CD109: variants seen among roughly 807,000 people sequenced by gnomAD.
CD109 encodes CD109 antigen.
CD109 carries 149 observed loss-of-function variants against 165.8 expected under a neutral mutation model. The observed-to-expected ratio is 0.90, with a 90% CI of 0.79 to 1.03. CD109 has a LOEUF of 1.03. Ranked by LOEUF, CD109 falls within the 50% of genes least tolerant of loss-of-function variation. CD109 has a pLI of 0.00. For missense variants in CD109, 1,712 were observed against 1,677.8 expected (o/e 1.02, Z -0.36); for synonymous variants, 585 against 592.1 (o/e 0.99, Z 0.18).
At chr6:73,753,221 G>A (rs909796516) in intron 5 of CD109, among the ~76,000 whole-genome samples, 3 of 152,132 alleles carry the variant, frequency 2.0e-5, no homozygotes, top group East Asian at 3.8e-4. Context: ...GGCCTGCAAA[G>A]CCTAAAATAT....
In CD109 at chr6:73,709,799, A is replaced by G. The variant is rs1247765530; in HGVS notation, c.247+12227A>G. ...AGGCTGGTTCAACATATGAAAATCA[A>G]TAAACGTAATCCAGCATATAAACAG... On this transcript the variant is annotated intron_variant, in intron 2 of 32. Coordinates refer to ENST00000287097, the MANE Select transcript of CD109 (RefSeq NM_133493.5). Among the ~76,000 whole-genome samples the G allele has an allele frequency of 2.0e-5, 3 of 152,342 alleles. No individual in the cohort carries two copies. In the East Asian group the frequency reaches 5.8e-4, roughly 29 times the overall value.
upstream of CD109, chr6:73,694,005 T>G (rs1187950286): frequency 6.6e-6 from 1 of 151,694 alleles, no homozygotes; most frequent in African/African-American, 2.4e-5. Context: ...CTTGCCTCAG[T>G]CTCCTGAGTA....
At position 73,750,980 on chromosome 6, in the gene CD109, A is replaced by G. The variant is rs561209606; in HGVS notation, c.634-5663A>G. Reference sequence around the variant, plus strand: ...ATACACAGTCTACATTCAGTAATTAATATGTCCAGTCTAATAAAATAAAAT... The same window carrying G: ...ATACACAGTCTACATTCAGTAATTAGTATGTCCAGTCTAATAAAATAAAAT... On this transcript the variant is annotated intron_variant, in intron 5 of 32. Coordinates refer to ENST00000287097, the MANE Select transcript of CD109 (RefSeq NM_133493.5). Among the ~76,000 whole-genome samples, 13 of 152,246 alleles carry G rather than the reference A, an allele frequency of 8.5e-5. 1 individual carries two copies. In the South Asian group the frequency reaches 2.7e-3, roughly 32 times the overall value.
At position 73,825,982 on chromosome 6, in the gene CD109, A is replaced by C. The variant is rs902351756; in HGVS notation, c.*2349A>C. The C allele has an allele frequency of 6.6e-6, 1 of 152,188 alleles. No individual in the cohort carries two copies. Among genetic ancestry groups the C allele is most frequent in the East Asian group, 1.9e-4 (1 of 5,194 alleles). 9.4% of individuals were successfully genotyped at this position (152,188 alleles called of 1,614,324 possible). ...GACAGAGTGAGATTCTGTCTCAAAAAACAAAAAACAAAAAAGTCACCTTGT... is the reference window on the plus strand; with the variant it reads ...GACAGAGTGAGATTCTGTCTCAAAACACAAAAAACAAAAAAGTCACCTTGT... On this transcript the variant is annotated 3_prime_UTR_variant, in exon 33 of 33. Transcript: ENST00000287097.
intron 23 of CD109, among the ~76,000 whole-genome samples, chr6:73,801,855 G>A (rs914462901): frequency 2.3e-4 from 35 of 152,206 alleles, no homozygotes; most frequent in Admixed American, 6.5e-4. Flanking sequence ...AGCTCAGGCT[G>A]TGTGCCCTTA....
At chr6:73,776,916 T>C (rs1394854776) in intron 15 of CD109, among the ~76,000 whole-genome samples, 2 of 151,836 alleles carry the variant, frequency 1.3e-5, no homozygotes, top group Non-Finnish European at 2.9e-5. Context: ...CTTTTTCTCA[T>C]ATGATTGTAG....
chr6:73,784,643 GC>G (rs1342001460), intron 19 of CD109, among the ~76,000 whole-genome samples: 1 of 152,120 alleles, frequency 6.6e-6, no homozygotes, highest in African/African-American at 2.4e-5. Flanking sequence ...AAAACCACTG[GC>G]CTAAACTAAC....
intron 4 of CD109, among the ~76,000 whole-genome samples, chr6:73,733,370 C>A (rs1772435176): frequency 6.6e-6 from 1 of 152,150 alleles, no homozygotes; most frequent in South Asian, 2.1e-4. Context: ...TGTCACAGCA[C>A]CTTCAGGGTG....
intron 1 of CD109, among the ~76,000 whole-genome samples, 163 bp downstream of exon 1, chr6:73,696,452 A>G (rs1413955419): frequency 6.6e-6 from 1 of 152,196 alleles, no homozygotes; most frequent in Non-Finnish European, 1.5e-5. Context: ...AGGTTTGACC[A>G]TATGTAGCTT....
At chr6:73,818,605 TTAAG>T (rs1776017053) in intron 31 of CD109, 70 bp downstream of exon 31, 1 of 1,410,126 alleles carries the variant, frequency 7.1e-7, no homozygotes. Context: ...CTACCTTACT[TTAAG>T]TATGTTTTCT....
intron 2 of CD109, among the ~76,000 whole-genome samples, chr6:73,714,552 G>C (rs953242055): frequency 6.6e-6 from 1 of 152,156 alleles, no homozygotes; most frequent in African/African-American, 2.4e-5. Flanking sequence ...TGTAATTACC[G>C]TCTCAGAGTT....
At chr6:73,716,585 G>A (rs1381486038) in intron 2 of CD109, among the ~76,000 whole-genome samples, 2 of 152,118 alleles carry the variant, frequency 1.3e-5, no homozygotes, top group Admixed American at 1.3e-4. Flanking sequence ...GTCTTCTTTC[G>A]AGAAATGTCT....
At chr6:73,754,402 A>G (rs1320911890) in intron 5 of CD109, among the ~76,000 whole-genome samples, 1 of 152,170 alleles carries the variant, frequency 6.6e-6, no homozygotes. Flanking sequence ...ACAAAAGACA[A>G]TGGTGTTTAG....
intron 15 of CD109, among the ~76,000 whole-genome samples, chr6:73,775,341 G>A (rs1401126528): frequency 6.6e-6 from 1 of 151,906 alleles, no homozygotes; most frequent in African/African-American, 2.4e-5. Context: ...AGTTAAAATC[G>A]ATTTAATGAA....
intron 2 of CD109, among the ~76,000 whole-genome samples, chr6:73,701,443 G>C (rs1771074469): frequency 6.6e-6 from 1 of 152,158 alleles, no homozygotes; most frequent in Non-Finnish European, 1.5e-5. Flanking sequence ...TCAGATTACT[G>C]TTTTGGGTGG....
At chr6:73,793,831 A>G (rs1290684479) in intron 23 of CD109, among the ~76,000 whole-genome samples, 1 of 152,222 alleles carries the variant, frequency 6.6e-6, no homozygotes, top group African/African-American at 2.4e-5. Flanking sequence ...CATCAAATTC[A>G]TGAGGATTAG....
Position 73,766,955 on chromosome 6 carries a change from C to T in CD109, c.1442C>T (p.Ser481Leu), listed in dbSNP as rs201376556. 75 of 1,612,886 alleles carry T rather than the reference C, an allele frequency of 4.7e-5. No homozygotes were observed. The highest frequency in any genetic ancestry group is 1.7e-5 in the Non-Finnish European group (20 of 1,179,528). The part of the protein sequence containing the change: ...KTRDENIKVG[S>L]PFELVVSGNK... ...ATTAAGGTTTTTTTCTAGGTGGGAT[C>T]GCCTTTTGAGTTGGTGGTTAGTGGC... The change falls in exon 13 of 33, where the codon TCG (serine) becomes TTG (leucine). Residue 481 changes from serine to leucine, a missense_variant. Physicochemically the swap from Ser to Leu is moderately radical, Grantham distance 145. Transcript: ENST00000287097.
intron 28 of CD109, among the ~76,000 whole-genome samples, 155 bp from the exon 29 acceptor site, chr6:73,812,050 C>T (rs778805478): frequency 6.6e-6 from 1 of 152,134 alleles, no homozygotes; most frequent in Non-Finnish European, 1.5e-5. Context: ...ACCTATTTGA[C>T]CCATAGCTTT....
intron 2 of CD109, among the ~76,000 whole-genome samples, chr6:73,705,169 G>A (rs573592883): frequency 2.6e-5 from 4 of 152,282 alleles, no homozygotes; most frequent in African/African-American, 9.6e-5. Flanking sequence ...ACATCCAGGT[G>A]GAGATGTCCA....
Sources: gnomAD v4.1 joint callset for allele counts (sites outside exome capture counted in the v4.1 genomes callset) on GRCh38, gnomAD v4.1.1 for gene constraint, MANE v1.5 for transcripts, NCBI Gene and HGNC (gene_info 2026-07-23, HGNC 2026-07-21) for gene names.